TMEM150C: variants seen among roughly 807,000 people sequenced by gnomAD.
TMEM150C encodes the protein transmembrane protein 150C, also known as tentonin 3.
A neutral mutation model predicts 29.9 loss-of-function variants in TMEM150C; 10 were observed. The observed-to-expected ratio is 0.33, with a 90% CI of 0.21 to 0.57. The LOEUF (loss-of-function observed/expected upper bound fraction) is 0.57, where lower values mean the gene tolerates loss of function less well. Among genes scored for constraint, TMEM150C ranks in the 20% least tolerant of loss-of-function variants. The pLI, the probability that TMEM150C is intolerant of heterozygous loss-of-function variation, is 0.88. For synonymous variants in TMEM150C, 101 were observed against 112.5 expected (o/e 0.90, Z 0.64); for missense variants, 251 against 303.6 (o/e 0.83, Z 1.29).
At chr4:82,514,037 A>T (rs1217101470) in intron 1 of TMEM150C, among the ~76,000 whole-genome samples, 1 of 152,234 alleles carries the variant, frequency 6.6e-6, no homozygotes, top group Non-Finnish European at 1.5e-5. Context: ...GCAAAAGCTG[A>T]ACAGCCACCA....
chr4:82,523,497 G>A (rs1338771788), intron 1 of TMEM150C, among the ~76,000 whole-genome samples: 2 of 152,140 alleles, frequency 1.3e-5, no homozygotes, highest in African/African-American at 4.8e-5. Flanking sequence ...GTGAGGCAAG[G>A]GCGAGAAGGC....
At chr4:82,534,302 G>GC (rs1041248293) in intron 1 of TMEM150C, among the ~76,000 whole-genome samples, 28 of 152,102 alleles carry the variant, frequency 1.8e-4, no homozygotes, top group African/African-American at 6.3e-4. Flanking sequence ...TACCAACCAA[G>GC]CCCCTCACCT....
chr4:82,538,203 A>G (rs1725075121), intron 1 of TMEM150C, among the ~76,000 whole-genome samples: 1 of 152,072 alleles, frequency 6.6e-6, no homozygotes, highest in African/African-American at 2.4e-5. Flanking sequence ...CACTACAGGT[A>G]CCCACCACCA....
chr4:82,512,943 G>T (rs1724175326), intron 1 of TMEM150C, among the ~76,000 whole-genome samples: 1 of 152,212 alleles, frequency 6.6e-6, no homozygotes, highest in Admixed American at 6.5e-5. Context: ...CCCCAGTCAG[G>T]GGCTTATGGA....
intron 1 of TMEM150C, among the ~76,000 whole-genome samples, chr4:82,519,410 TTTTC>T (rs369302297): frequency 0.041 from 6,239 of 151,644 alleles, 250 homozygotes; most frequent in African/African-American, 0.11. Context: ...TTCTCTTTCT[TTTTC>T]TTTCTTTCTT....
At chr4:82,536,993 A>T (rs955259108) in intron 1 of TMEM150C, among the ~76,000 whole-genome samples, 8 of 152,040 alleles carry the variant, frequency 5.3e-5, no homozygotes, top group African/African-American at 9.7e-5. Context: ...TATTATTATT[A>T]TTTTTTGAGA....
intron 1 of TMEM150C, among the ~76,000 whole-genome samples, chr4:82,519,987 T>C (rs1284324640): frequency 6.6e-6 from 1 of 152,146 alleles, no homozygotes; most frequent in Non-Finnish European, 1.5e-5. Context: ...CCATTCTGGT[T>C]TAGAAAACAG....
chr4:82,507,729 T>C (rs575257282), intron 1 of TMEM150C, among the ~76,000 whole-genome samples: 87 of 14,370 alleles, frequency 6.1e-3, no homozygotes, highest in East Asian at 0.023. Flanking sequence ...CTCTCTCTCT[T>C]TTTTTTTTTT....
intron 1 of TMEM150C, among the ~76,000 whole-genome samples, chr4:82,537,597 A>G (rs1355028384): frequency 1.3e-5 from 2 of 152,198 alleles, no homozygotes; most frequent in African/African-American, 4.8e-5. Flanking sequence ...CCTAATCCCC[A>G]TTACCTGTGA....
chr4:82,556,819 CA>C (rs1396661281), intron 1 of TMEM150C, among the ~76,000 whole-genome samples: 1 of 152,162 alleles, frequency 6.6e-6, no homozygotes, highest in Non-Finnish European at 1.5e-5. Flanking sequence ...CAAGCATCCC[CA>C]TCACCCTATG....
intron 1 of TMEM150C, among the ~76,000 whole-genome samples, chr4:82,525,218 C>T (rs576853176): frequency 6.6e-5 from 10 of 152,144 alleles, no homozygotes; most frequent in Non-Finnish European, 1.3e-4. Flanking sequence ...AGTGAATTTG[C>T]GTGTTTGGAA....
At chr4:82,527,120 T>C (rs1724681897) in intron 1 of TMEM150C, among the ~76,000 whole-genome samples, 1 of 151,348 alleles carries the variant, frequency 6.6e-6, no homozygotes, top group Non-Finnish European at 1.5e-5. Context: ...CATGTAGATA[T>C]TGTGGTGGCT....
intron 7 of TMEM150C, among the ~76,000 whole-genome samples, chr4:82,487,420 G>A (rs1325204488): frequency 2.6e-5 from 4 of 152,306 alleles, no homozygotes; most frequent in East Asian, 1.9e-4. Context: ...CTGCACTCCA[G>A]CCTAGGCAAC....
chr4:82,553,811 T>C (rs888951418), intron 1 of TMEM150C, among the ~76,000 whole-genome samples: 4 of 152,280 alleles, frequency 2.6e-5, no homozygotes, highest in Non-Finnish European at 1.5e-5. Flanking sequence ...TATTTGATCA[T>C]AACTGTATCA....
At chr4:82,520,027 T>G (rs1333591466) in intron 1 of TMEM150C, among the ~76,000 whole-genome samples, 3 of 152,224 alleles carry the variant, frequency 2.0e-5, no homozygotes, top group Admixed American at 6.5e-5. Context: ...TGAGGTGTTC[T>G]GCAGTTTGTG....
chr4:82,515,573 C>T (rs1323448797), intron 1 of TMEM150C, among the ~76,000 whole-genome samples: 2 of 151,838 alleles, frequency 1.3e-5, no homozygotes, highest in South Asian at 2.1e-4. Flanking sequence ...CCCGTCTCTA[C>T]TAAAAATAAA....
chr4:82,561,365 G>A (rs903909367), intron 1 of TMEM150C, among the ~76,000 whole-genome samples: 1 of 152,190 alleles, frequency 6.6e-6, no homozygotes, highest in South Asian at 2.1e-4. Context: ...CGGTACACAG[G>A]GCAAAGCAAG....
At chr4:82,539,264 A>G (rs1269616059) in intron 1 of TMEM150C, among the ~76,000 whole-genome samples, 3 of 152,172 alleles carry the variant, frequency 2.0e-5, no homozygotes, top group Admixed American at 2.0e-4. Context: ...ATGAATGAAT[A>G]CTATTATCAT....
intron 7 of TMEM150C, 106 bp from the exon 8 acceptor site, chr4:82,485,825 A>G: frequency 1.0e-6 from 1 of 994,140 alleles, no homozygotes; most frequent in Non-Finnish European, 1.5e-6. Context: ...CCTCATCACT[A>G]GAAAAACTGG....
Sources: allele counts gnomAD v4.1 joint callset (sites outside exome capture counted in the v4.1 genomes callset), GRCh38; gene constraint gnomAD v4.1.1; transcripts MANE v1.5; gene names NCBI Gene and HGNC (gene_info 2026-07-23, HGNC 2026-07-21).